CHL1: variants seen among roughly 807,000 people sequenced by gnomAD.
The protein encoded by CHL1 is cell adhesion molecule L1 like.
A neutral mutation model predicts 141.9 loss-of-function variants in CHL1; 96 were observed. That is an observed-to-expected ratio of 0.68 (90% CI 0.57 to 0.80). The LOEUF (loss-of-function observed/expected upper bound fraction) is 0.80, where lower values mean the gene tolerates loss of function less well. CHL1 is among the 30% of genes least tolerant of loss of function. CHL1 has a pLI of 0.00. For synonymous variants in CHL1, 613 were observed against 502.2 expected (o/e 1.22, Z -2.95); for missense variants, 1,820 against 1,457.2 (o/e 1.25, Z -4.05).
chr3:204,072 A>C (rs7619645), intron 1 of CHL1, among the ~76,000 whole-genome samples: 1 of 152,222 alleles, frequency 6.6e-6, no homozygotes, highest in Non-Finnish European at 1.5e-5. Context: ...CGAAGTGGGC[A>C]TGCTCATATT....
chr3:197,395 T>TCC lies in CHL1; in HGVS notation c.-175+333_-175+334dup, dbSNP rs551647227. 4.7e-3 allele frequency: 720 copies of TCC among 153,750 alleles called. 6 individuals are homozygous for TCC. Among genetic ancestry groups the TCC allele is most frequent in the Non-Finnish European group, 7.2e-3 (499 of 69,080 alleles). The allele number at this position is 153,750 out of a possible 1,614,324, so 9.5% of individuals were successfully genotyped here. On this transcript the variant is annotated intron_variant, in intron 1 of 27. Transcript: ENST00000256509. The stretch of plus-strand genomic sequence containing the variant: ...TAGGTTGGCCCTCCCGCTTCCAGCC[T>TCC]CCGCCACCCCATCCCTCGCTGCTCT...
In CHL1 at chr3:399,129, T is replaced by G; in HGVS notation, c.3366T>G (p.Asn1122Lys). ...TAACTGTTTGCTTTGTGAAGAGGAA[T>G]AGAGGTGGAAAGTACTCAGGTAAAA... The part of the protein sequence containing the change: ...LLLTVCFVKR[N>K]RGGKYSVKEK... The change falls in exon 26 of 28, where the codon AAT becomes AAG. Residue 1122 changes from asparagine to lysine, a missense_variant. Asn to Lys is a moderately conservative substitution (Grantham distance 94). Coordinates refer to ENST00000256509, the MANE Select transcript of CHL1 (RefSeq NM_006614.4). The G allele has an allele frequency of 6.2e-7, 1 of 1,610,808 alleles. No homozygotes were observed. The highest frequency in any genetic ancestry group is 1.1e-5 in the South Asian group (1 of 91,014).
At position 383,802 on chromosome 3, in the gene CHL1, T is replaced by G. The variant is rs766177725; in HGVS notation, c.2177-14T>G. 1.0e-5 allele frequency: 16 copies of G among 1,599,540 alleles called. No individual in the cohort carries two copies. The Admixed American group carries it at 2.5e-4, about 25-fold the overall frequency. On this transcript the variant is annotated splice_polypyrimidine_tract_variant and intron_variant, in intron 18 of 27. Transcript: ENST00000256509. ...TTAAAAGGAAAAATAATGTTAATGT[T>G]TTTAATTTTTCAGCTCCAGATAGGA...
chr3:267,833 T>G (rs1574911969), intron 2 of CHL1, among the ~76,000 whole-genome samples: 1 of 152,192 alleles, frequency 6.6e-6, no homozygotes, highest in East Asian at 1.9e-4. Flanking sequence ...GTGAACTATT[T>G]CCAAAATATA....
intron 5 of CHL1, among the ~76,000 whole-genome samples, chr3:337,713 T>C (rs989568571): frequency 6.6e-6 from 1 of 152,162 alleles, no homozygotes; most frequent in Non-Finnish European, 1.5e-5. Flanking sequence ...TTTTATGGCT[T>C]CATAGTATTC....
At chr3:254,537 C>T (rs184147345) in intron 2 of CHL1, among the ~76,000 whole-genome samples, 37 of 152,262 alleles carry the variant, frequency 2.4e-4, no homozygotes, top group African/African-American at 8.2e-4. Context: ...ATTGTCAGGG[C>T]AGCAGACATC....
chr3:347,495 C>A (rs750530834), intron 9 of CHL1, among the ~76,000 whole-genome samples: 2 of 152,078 alleles, frequency 1.3e-5, no homozygotes, highest in Non-Finnish European at 2.9e-5. Context: ...TCACATAATA[C>A]TTTAGATCAT....
chr3:343,455 T>C (rs1301340137), intron 8 of CHL1, among the ~76,000 whole-genome samples: 4 of 152,202 alleles, frequency 2.6e-5, no homozygotes, highest in Non-Finnish European at 5.9e-5. Flanking sequence ...ATATTTGACA[T>C]GCAACTGTAC....
At chr3:373,101 A>T (rs916459829) in intron 15 of CHL1, among the ~76,000 whole-genome samples, 1 of 152,114 alleles carries the variant, frequency 6.6e-6, no homozygotes, top group Non-Finnish European at 1.5e-5. Context: ...GGGGAATAGG[A>T]CCCATCTAAT....
At chr3:286,817 T>G (rs1245859036) in intron 2 of CHL1, among the ~76,000 whole-genome samples, 1 of 152,142 alleles carries the variant, frequency 6.6e-6, no homozygotes, top group Non-Finnish European at 1.5e-5. Context: ...TTTTAGACCA[T>G]ATAAGGTAAC....
intron 2 of CHL1, among the ~76,000 whole-genome samples, chr3:275,059 T>C (rs1465501579): frequency 6.6e-6 from 1 of 152,262 alleles, no homozygotes; most frequent in Non-Finnish European, 1.5e-5. Flanking sequence ...CTTCGTTGCC[T>C]AGCATGGCAC....
intron 15 of CHL1, among the ~76,000 whole-genome samples, chr3:369,378 ATT>A (rs1705329141): frequency 2.0e-5 from 3 of 152,138 alleles, no homozygotes; most frequent in Non-Finnish European, 4.4e-5. Flanking sequence ...ATGGGAGTTC[ATT>A]TATGATTTGG....
At chr3:284,821 T>G (rs1409354230) in intron 2 of CHL1, among the ~76,000 whole-genome samples, 5 of 151,992 alleles carry the variant, frequency 3.3e-5, no homozygotes, top group Non-Finnish European at 7.4e-5. Context: ...AATCAGACCT[T>G]GGGATAATTA....
At chr3:373,814 C>G (rs887471175) in intron 15 of CHL1, 1 of 152,312 alleles carries the variant, frequency 6.6e-6, no homozygotes, top group African/African-American at 2.4e-5. Context: ...CACATTCACT[C>G]ACCGCCTCCC....
At position 286,887 on chromosome 3, in the gene CHL1, C is replaced by T. The variant is rs183488034; in HGVS notation, c.-94-32796C>T. Among the ~76,000 whole-genome samples, 494 of 152,164 alleles carry T rather than the reference C, an allele frequency of 3.2e-3. 2 individuals carry two copies. Among genetic ancestry groups the T allele is most frequent in the African/African-American group, 0.011 (471 of 41,504 alleles). On this transcript the variant is annotated intron_variant, in intron 2 of 27. Coordinates refer to ENST00000256509, the MANE Select transcript of CHL1 (RefSeq NM_006614.4). ...TGGCACTGGTGGGAGTGTCTTTTAGCGTGCTAATTAGAATATAATGAGCAG... is the reference window on the plus strand; with the variant it reads ...TGGCACTGGTGGGAGTGTCTTTTAGTGTGCTAATTAGAATATAATGAGCAG...
At chr3:340,483 T>C (rs1344288854) in intron 5 of CHL1, among the ~76,000 whole-genome samples, 3 of 152,210 alleles carry the variant, frequency 2.0e-5, no homozygotes, top group African/African-American at 7.2e-5. Context: ...AGCAAGAAAA[T>C]CCTGTGACTC....
At chr3:207,700 G>A (rs182474723) in intron 1 of CHL1, among the ~76,000 whole-genome samples, 37 of 152,260 alleles carry the variant, frequency 2.4e-4, no homozygotes, top group Middle Eastern at 3.4e-3. Context: ...TGAGTGAATG[G>A]ATAAAGATAG....
intron 2 of CHL1, among the ~76,000 whole-genome samples, chr3:307,647 T>C (rs1461221811): frequency 6.6e-6 from 1 of 152,160 alleles, no homozygotes. Flanking sequence ...AATCCACCAA[T>C]ATATACAACA....
At chr3:234,917 T>G (rs1483054341) in intron 1 of CHL1, among the ~76,000 whole-genome samples, 2 of 152,208 alleles carry the variant, frequency 1.3e-5, no homozygotes, top group African/African-American at 4.8e-5. Flanking sequence ...CACACCTAAA[T>G]AAGCCTAAAA....
Sources: allele counts gnomAD v4.1 joint callset (sites outside exome capture counted in the v4.1 genomes callset), GRCh38; gene constraint gnomAD v4.1.1; transcripts MANE v1.5; gene names NCBI Gene and HGNC (gene_info 2026-07-23, HGNC 2026-07-21).